Variants in MKX observed in about 807,000 individuals in gnomAD.
MKX encodes the protein homeobox protein Mohawk.
In MKX, 13 loss-of-function variants were observed where a neutral mutation model predicts 36.0. The observed-to-expected ratio is 0.36, with a 90% CI of 0.24 to 0.57. MKX has a LOEUF of 0.57. Among genes scored for constraint, MKX ranks in the 20% least tolerant of loss-of-function variants. The probability of loss-of-function intolerance (pLI) is 0.79; values close to 1 mark genes in which losing one functional copy is unlikely to be tolerated. For missense variants in MKX, 458 were observed against 456.4 expected (o/e 1.00, Z -0.03); for synonymous variants, 176 against 178.3 (o/e 0.99, Z 0.10).
intron 5 of MKX, among the ~76,000 whole-genome samples, chr10:27,683,598 G>A (rs549762178): frequency 1.3e-5 from 2 of 152,232 alleles, no homozygotes; most frequent in Non-Finnish European, 2.9e-5. Context: ...GCAAGTCAGA[G>A]CTCCAGATGC....
chr10:27,728,977 C>G (rs1007269888), intron 5 of MKX, among the ~76,000 whole-genome samples: 1 of 152,176 alleles, frequency 6.6e-6, no homozygotes, highest in African/African-American at 2.4e-5. Flanking sequence ...CAAATGGATA[C>G]TACCTCCCAG....
chr10:27,737,254 A>T (rs1163703407), intron 3 of MKX, among the ~76,000 whole-genome samples: 1 of 152,128 alleles, frequency 6.6e-6, no homozygotes, highest in African/African-American at 2.4e-5. Context: ...ACTAGCTGGG[A>T]ATTTGAAAAC....
intron 5 of MKX, among the ~76,000 whole-genome samples, chr10:27,686,235 A>G (rs1836345133): frequency 6.6e-6 from 1 of 152,168 alleles, no homozygotes; most frequent in African/African-American, 2.4e-5. Flanking sequence ...CCCCATCTTC[A>G]TGGATGGACC....
chr10:27,713,138 C>T (rs558354449), intron 5 of MKX, among the ~76,000 whole-genome samples: 9 of 152,238 alleles, frequency 5.9e-5, no homozygotes, highest in East Asian at 5.8e-4. Context: ...AATGGCAACA[C>T]GACCCAAGCA....
intron 1 of MKX, among the ~76,000 whole-genome samples, chr10:27,743,965 G>A (rs1240658891): frequency 6.6e-6 from 1 of 151,816 alleles, no homozygotes; most frequent in Non-Finnish European, 1.5e-5. Context: ...GAAGATTTGG[G>A]GTAATGTGCC....
At position 27,735,387 on chromosome 10, in the gene MKX, T is replaced by C. The variant is rs1256919526; in HGVS notation, c.349-13A>G. On this transcript the variant is annotated splice_polypyrimidine_tract_variant and intron_variant, in intron 3 of 6. Coordinates refer to ENST00000419761, the MANE Select transcript of MKX (RefSeq NM_173576.3). ...ACCAATTTGACACCTAAAACAGTAT[T>C]ATTTTTCAATTAACAAAACTTAAAA... 9.4e-6 allele frequency: 15 copies of C among 1,597,150 alleles called. No homozygotes were observed. The highest frequency in any genetic ancestry group is 1.3e-5 in the Non-Finnish European group (15 of 1,173,758).
intron 5 of MKX, among the ~76,000 whole-genome samples, chr10:27,732,727 A>G (rs1201433964): frequency 1.3e-5 from 2 of 152,182 alleles, no homozygotes; most frequent in Non-Finnish European, 2.9e-5. Flanking sequence ...TCTGGTCACA[A>G]CAGTCAGATG....
In MKX at chr10:27,719,612, G is replaced by A. The variant is rs182160259; in HGVS notation, c.838+14844C>T. On this transcript the variant is annotated intron_variant, in intron 5 of 6. Coordinates refer to ENST00000419761, the MANE Select transcript of MKX (RefSeq NM_173576.3). ...CAGGGATCATAGCTGCTATGACAAAGTAGTGATAAGAAAAAAAAGATGTTC... is the reference window on the plus strand; with the variant it reads ...CAGGGATCATAGCTGCTATGACAAAATAGTGATAAGAAAAAAAAGATGTTC... Among the ~76,000 whole-genome samples, 648 of 152,150 alleles carry A rather than the reference G, an allele frequency of 4.3e-3. 20 individuals carry two copies. The highest frequency in any genetic ancestry group is 0.039 in the Admixed American group (598 of 15,274).
At chr10:27,686,423 AAGG>A (rs1836353588) in intron 5 of MKX, among the ~76,000 whole-genome samples, 1 of 150,598 alleles carries the variant, frequency 6.6e-6, no homozygotes, top group African/African-American at 2.4e-5. Context: ...GGAAGGAAGG[AAGG>A]AAGGAAGGAA....
At chr10:27,694,012 T>C (rs1305937817) in intron 5 of MKX, among the ~76,000 whole-genome samples, 1 of 152,166 alleles carries the variant, frequency 6.6e-6, no homozygotes, top group Non-Finnish European at 1.5e-5. Context: ...TGCTTGGCTC[T>C]CATCTTCTTT....
intron 5 of MKX, among the ~76,000 whole-genome samples, chr10:27,729,616 C>T (rs1193561329): frequency 1.3e-5 from 2 of 151,966 alleles, no homozygotes; most frequent in African/African-American, 2.4e-5. Flanking sequence ...CTGCACTAGG[C>T]CTTTATAAAC....
At chr10:27,719,701 G>C (rs1834331979) in intron 5 of MKX, among the ~76,000 whole-genome samples, 1 of 152,078 alleles carries the variant, frequency 6.6e-6, no homozygotes, top group South Asian at 2.1e-4. Context: ...TTGATTTATA[G>C]GGCCAGGCAT....
intron 5 of MKX, among the ~76,000 whole-genome samples, chr10:27,700,152 C>A (rs1017125325): frequency 1.2e-4 from 19 of 152,162 alleles, no homozygotes; most frequent in African/African-American, 4.6e-4. Flanking sequence ...TTTCATTTTA[C>A]AAAGGGAGCA....
chr10:27,684,066 C>T (rs879700361), intron 5 of MKX, among the ~76,000 whole-genome samples: 1 of 152,188 alleles, frequency 6.6e-6, no homozygotes, highest in Non-Finnish European at 1.5e-5. Flanking sequence ...GTAATCCCAG[C>T]ACTTTGGGAG....
At chr10:27,718,409 C>T (rs11015966) in intron 5 of MKX, among the ~76,000 whole-genome samples, 17,184 of 151,896 alleles carry the variant, frequency 0.11, 1,078 homozygotes, top group East Asian at 0.3. Flanking sequence ...GTAGCGCTAG[C>T]GAAAATTATT....
At chr10:27,690,523 G>A (rs1052693920) in intron 5 of MKX, among the ~76,000 whole-genome samples, 4 of 152,210 alleles carry the variant, frequency 2.6e-5, no homozygotes, top group Non-Finnish European at 5.9e-5. Context: ...CACTAAGTAC[G>A]TGACCTTGGG....
chr10:27,731,768 A>C lies in MKX; in HGVS notation c.838+2688T>G, dbSNP rs539110034. Reference sequence around the variant, plus strand: ...ATAAAAACAAGCCACCGAGATATTTAACTTTGAAAAGAATCAACTCTACAG... The same window carrying C: ...ATAAAAACAAGCCACCGAGATATTTCACTTTGAAAAGAATCAACTCTACAG... On this transcript the variant is annotated intron_variant, in intron 5 of 6. Transcript: ENST00000419761. 1.2e-4 allele frequency among the ~76,000 whole-genome samples: 19 copies of C among 152,346 alleles called. No homozygotes were observed. In the South Asian group the frequency reaches 3.9e-3, roughly 32 times the overall value.
At chr10:27,678,211 G>T (rs1167704411) in intron 5 of MKX, among the ~76,000 whole-genome samples, 2 of 152,128 alleles carry the variant, frequency 1.3e-5, no homozygotes, top group Non-Finnish European at 2.9e-5. Context: ...TAAGGACAGA[G>T]ACAAGGCGCT....
At chr10:27,710,141 A>C (rs149148087) in intron 5 of MKX, among the ~76,000 whole-genome samples, 241 of 152,272 alleles carry the variant, frequency 1.6e-3, no homozygotes, top group African/African-American at 5.7e-3. Context: ...GAACAAGTGA[A>C]CCACTCTGTG....
Sources: allele counts gnomAD v4.1 joint callset (sites outside exome capture counted in the v4.1 genomes callset), GRCh38; gene constraint gnomAD v4.1.1; transcripts MANE v1.5; gene names NCBI Gene and HGNC (gene_info 2026-07-23, HGNC 2026-07-21).